The following KCNQ5 variants were observed in gnomAD, a reference collection of about 807,000 sequenced individuals.
The protein encoded by KCNQ5 is potassium voltage-gated channel subfamily KQT member 5.
Under a neutral mutation model 98.2 loss-of-function variants are expected in KCNQ5, and 30 were observed. That is an observed-to-expected ratio of 0.31 (90% CI 0.23 to 0.41). KCNQ5 has a LOEUF of 0.41. KCNQ5 is among the 10% of genes least tolerant of loss of function. The probability of loss-of-function intolerance (pLI) is 1.00; values close to 1 mark genes in which losing one functional copy is unlikely to be tolerated. For synonymous variants in KCNQ5, 458 were observed against 449.4 expected (o/e 1.02, Z -0.24); for missense variants, 835 against 1,182.5 (o/e 0.71, Z 4.31).
Position 73,120,463 on chromosome 6 carries a change from C to A in KCNQ5, c.1126-20C>A. 1.3e-6 allele frequency: 2 copies of A among 1,544,790 alleles called. No homozygotes were observed. Among genetic ancestry groups the A allele is most frequent in the South Asian group, 1.2e-5 (1 of 84,818 alleles). The stretch of plus-strand genomic sequence containing the variant: ...TGCTCTCTTTTTTCTTTTTCATGTC[C>A]CCATCTATGCCACATGCAGTGTGTT... On this transcript the variant is annotated intron_variant, in intron 7 of 13. Transcript: ENST00000370398.
At position 73,133,465 on chromosome 6, in the gene KCNQ5, G is replaced by A. The variant is rs760617020; in HGVS notation, c.1292G>A (p.Arg431Lys). 6.2e-7 allele frequency: 1 copy of A among 1,614,166 alleles called. No homozygotes were observed. The highest frequency in any genetic ancestry group is 1.1e-5 in the South Asian group (1 of 91,078). Residue 431 changes from arginine (R) to lysine (K), a missense_variant, in exon 10 of 14, where the codon AGG (arginine) becomes AAG (lysine). By Grantham distance (26) the Arg-to-Lys change is conservative (BLOSUM62 2). Around this residue, in one of 10 missense-constraint regions of KCNQ5, gnomAD observed 146 missense variants for 256.7 expected, o/e 0.57. Coordinates refer to ENST00000370398, the MANE Select transcript of KCNQ5 (RefSeq NM_019842.4). ...GAGCGAGTGCGCATGGCTAGCCCCA[G>A]GGGCCAGAGTATTAAGAGCCGACAA... ...FKERVRMASPRGQSIKSRQAS... is the reference protein window; with the variant it reads ...FKERVRMASPKGQSIKSRQAS...
intron 1 of KCNQ5, among the ~76,000 whole-genome samples, chr6:72,884,466 T>G (rs1354328362): frequency 6.6e-6 from 1 of 152,150 alleles, no homozygotes; most frequent in Admixed American, 6.5e-5. Flanking sequence ...AGATGAGAGA[T>G]AGCATCAGAA....
chr6:72,842,158 A>G (rs1032893900), intron 1 of KCNQ5, among the ~76,000 whole-genome samples: 1 of 152,214 alleles, frequency 6.6e-6, no homozygotes, highest in African/African-American at 2.4e-5. Flanking sequence ...GTCAACTCTA[A>G]TGAAAACATT....
chr6:73,031,824 T>C (rs1385173367), intron 2 of KCNQ5, among the ~76,000 whole-genome samples: 3 of 152,148 alleles, frequency 2.0e-5, no homozygotes, highest in Non-Finnish European at 4.4e-5. Flanking sequence ...TATATGAAAC[T>C]CTGTAAATAC....
chr6:72,821,618 GGTTTT>G (rs1227315572), intron 1 of KCNQ5, among the ~76,000 whole-genome samples: 1 of 150,006 alleles, frequency 6.7e-6, no homozygotes, highest in Non-Finnish European at 1.5e-5. Context: ...TTTTTTGTTT[GGTTTT>G]GTTTTTTTTT....
At chr6:73,114,883 CT>C (rs1330731291) in intron 7 of KCNQ5, among the ~76,000 whole-genome samples, 8 of 152,226 alleles carry the variant, frequency 5.3e-5, no homozygotes, top group African/African-American at 1.9e-4. Context: ...ATATATTTGT[CT>C]TGAAACTTTG....
intron 1 of KCNQ5, among the ~76,000 whole-genome samples, chr6:72,877,676 C>T (rs1778471280): frequency 6.6e-6 from 1 of 152,170 alleles, no homozygotes; most frequent in African/African-American, 2.4e-5. Context: ...ATTTACACTC[C>T]CACCAACAGT....
chr6:72,774,479 T>C (rs1423580585), intron 1 of KCNQ5, among the ~76,000 whole-genome samples: 1 of 152,118 alleles, frequency 6.6e-6, no homozygotes, highest in African/African-American at 2.4e-5. Context: ...TGTGCTATAT[T>C]AGATTACATT....
rs183360372 is a variant in KCNQ5 at position 72,686,773 on chromosome 6, G to A, written c.398+64186G>A. On this transcript the variant is annotated intron_variant, in intron 1 of 13. Transcript: ENST00000370398. ...CTTTGATACATCTGGGACTACTGTG[G>A]TACAGGTTATGAGATAAGAATCCAA... Among the ~76,000 whole-genome samples, 207 of 145,744 alleles carry A rather than the reference G, an allele frequency of 1.4e-3. 1 individual carries two copies. The highest frequency in any genetic ancestry group is 4.6e-3 in the African/African-American group (183 of 39,466).
intron 11 of KCNQ5, among the ~76,000 whole-genome samples, chr6:73,181,665 T>C (rs1321342805): frequency 6.6e-6 from 1 of 152,200 alleles, no homozygotes; most frequent in African/African-American, 2.4e-5. Context: ...AACAATCATA[T>C]CATATCAAAG....
chr6:72,756,662 T>C (rs1771986145), intron 1 of KCNQ5, among the ~76,000 whole-genome samples: 1 of 152,060 alleles, frequency 6.6e-6, no homozygotes, highest in Non-Finnish European at 1.5e-5. Flanking sequence ...TGGCTAAAGA[T>C]TGGGAGATAT....
At chr6:72,699,999 A>T (rs1768710985) in intron 1 of KCNQ5, among the ~76,000 whole-genome samples, 1 of 152,184 alleles carries the variant, frequency 6.6e-6, no homozygotes, top group Non-Finnish European at 1.5e-5. Flanking sequence ...GACCCATTTC[A>T]AAGGCTTGTT....
intron 1 of KCNQ5, among the ~76,000 whole-genome samples, chr6:72,628,584 C>T (rs1010468156): frequency 3.3e-5 from 5 of 152,120 alleles, no homozygotes; most frequent in Non-Finnish European, 7.3e-5. Context: ...CTCTGTGCTA[C>T]ATAGTAGCCA....
intron 1 of KCNQ5, among the ~76,000 whole-genome samples, chr6:72,760,709 T>C (rs9293911): frequency 0.28 from 42,176 of 151,972 alleles, 9,017 homozygotes; most frequent in African/African-American, 0.6. Context: ...TTAAAAGACT[T>C]CTACCCATTT....
At chr6:72,867,352 C>T (rs189244260) in intron 1 of KCNQ5, among the ~76,000 whole-genome samples, 2 of 152,248 alleles carry the variant, frequency 1.3e-5, no homozygotes, top group East Asian at 3.9e-4. Context: ...TCTCTCTTGC[C>T]AGCCTGTTAA....
chr6:72,973,431 G>C (rs747717019), intron 1 of KCNQ5, among the ~76,000 whole-genome samples: 9 of 151,930 alleles, frequency 5.9e-5, no homozygotes, highest in Non-Finnish European at 8.8e-5. Flanking sequence ...TGGAGGGAAA[G>C]GATTTTGTAG....
At chr6:72,931,001 T>C (rs547921636) in intron 1 of KCNQ5, among the ~76,000 whole-genome samples, 2 of 152,302 alleles carry the variant, frequency 1.3e-5, no homozygotes, top group South Asian at 4.1e-4. Context: ...CTGCTTTCTA[T>C]AGTTTACTGG....
At position 73,133,463 on chromosome 6, in the gene KCNQ5, CA is replaced by C; in HGVS notation, c.1291del (p.Arg431GlyfsTer12). 1 of 1,614,144 alleles carries C rather than the reference CA, an allele frequency of 6.2e-7. No homozygotes were observed. On this transcript the variant is annotated frameshift_variant, in exon 10 of 14. Transcript: ENST00000370398. LOFTEE classifies it high-confidence loss of function. ...FKERVRMASP[R>X]GQSIKSRQAS... ...AGGAGCGAGTGCGCATGGCTAGCCC[CA>C]GGGGCCAGAGTATTAAGAGCCGACA...
At chr6:73,103,059 C>T (rs1402128722) in intron 5 of KCNQ5, among the ~76,000 whole-genome samples, 2 of 152,154 alleles carry the variant, frequency 1.3e-5, no homozygotes, top group African/African-American at 4.8e-5. Flanking sequence ...ACCCAAGCAT[C>T]CATCAACAGA....
Sources: gnomAD v4.1 joint callset for allele counts (sites outside exome capture counted in the v4.1 genomes callset) on GRCh38, gnomAD v4.1.1 for gene constraint, gnomAD v4.1.1 regional missense constraint, MANE v1.5 for transcripts, NCBI Gene and HGNC (gene_info 2026-07-23, HGNC 2026-07-21) for gene names.